The following MALRD1 variants were observed in gnomAD, a reference collection of about 807,000 sequenced individuals.
MALRD1 encodes MAM and LDL-receptor class A domain-containing protein 1.
Under a neutral mutation model 242.1 loss-of-function variants are expected in MALRD1, and 247 were observed. The observed-to-expected ratio is 1.02, with a 90% CI of 0.92 to 1.13. The LOEUF (loss-of-function observed/expected upper bound fraction) is 1.13, where lower values mean the gene tolerates loss of function less well. MALRD1 is among the 50% of genes most tolerant of loss of function. The pLI is 0.00. For synonymous variants in MALRD1, 995 were observed against 866.6 expected (o/e 1.15, Z -2.60); for missense variants, 2,989 against 2,533.1 (o/e 1.18, Z -3.86).
chr10:19,210,213 C>T (rs2245151), intron 18 of MALRD1, among the ~76,000 whole-genome samples: 16 of 152,136 alleles, frequency 1.1e-4, no homozygotes, highest in Non-Finnish European at 1.5e-4. Context: ...CAGTCTTATT[C>T]TAGCAAGCTC....
intron 39 of MALRD1, among the ~76,000 whole-genome samples, chr10:19,733,411 T>C (rs1287027424): frequency 6.6e-6 from 1 of 152,182 alleles, no homozygotes; most frequent in Non-Finnish European, 1.5e-5. Context: ...CTTTTAAAAA[T>C]GTAACTGCAG....
chr10:19,438,218 AT>A (rs1477132318), intron 28 of MALRD1, among the ~76,000 whole-genome samples: 1 of 151,866 alleles, frequency 6.6e-6, no homozygotes, highest in African/African-American at 2.4e-5. Context: ...ATCATGGAGT[AT>A]TTGTCTTTTC....
chr10:19,173,953 A>G (rs1835115872), intron 13 of MALRD1, among the ~76,000 whole-genome samples: 1 of 152,224 alleles, frequency 6.6e-6, no homozygotes, highest in Admixed American at 6.5e-5. Context: ...GCCCTATAAC[A>G]AAAGAGAGGT....
intron 24 of MALRD1, among the ~76,000 whole-genome samples, chr10:19,341,302 T>C (rs1021402204): frequency 6.6e-6 from 1 of 151,706 alleles, no homozygotes; most frequent in African/African-American, 2.4e-5. Context: ...TTATGATATG[T>C]CTGGCATTTT....
intron 18 of MALRD1, among the ~76,000 whole-genome samples, chr10:19,236,950 G>C (rs1183478165): frequency 6.6e-6 from 1 of 151,744 alleles, no homozygotes; most frequent in African/African-American, 2.4e-5. Flanking sequence ...ACTTTGCATT[G>C]GTGGTTGAGA....
At chr10:19,230,161 T>C (rs1837987625) in intron 18 of MALRD1, among the ~76,000 whole-genome samples, 3 of 152,214 alleles carry the variant, frequency 2.0e-5, no homozygotes, top group Admixed American at 2.0e-4. Flanking sequence ...CATGTGGAAC[T>C]GTGAATTCAT....
chr10:19,307,143 G>A (rs1274564493), intron 21 of MALRD1, among the ~76,000 whole-genome samples: 3 of 151,430 alleles, frequency 2.0e-5, no homozygotes, highest in Middle Eastern at 3.2e-3. Context: ...TTCTTTAGTT[G>A]GGATGCATTG....
chr10:19,266,674 G>A (rs1225710491), intron 19 of MALRD1, among the ~76,000 whole-genome samples: 2 of 151,620 alleles, frequency 1.3e-5, no homozygotes, highest in Non-Finnish European at 2.9e-5. Context: ...AATAACTATA[G>A]CATCAGTAAT....
rs532223887 is a variant in MALRD1, at chr10:19,456,632, G to A, written c.5029+6142G>A. ...TTCTGCTCACATTTGAGTGCTCCGA[G>A]TGTTGCATTCAGATCGCTCGCAGTC... On this transcript the variant is annotated intron_variant, in intron 29 of 39. Coordinates refer to ENST00000454679, the MANE Select transcript of MALRD1 (RefSeq NM_001142308.3). Among the ~76,000 whole-genome samples, 12 of 152,254 alleles carry A rather than the reference G, an allele frequency of 7.9e-5. No homozygotes were observed. In the South Asian group the frequency reaches 2.5e-3, roughly 32 times the overall value.
At chr10:19,407,584 T>C (rs73593902) in intron 28 of MALRD1, among the ~76,000 whole-genome samples, 4 of 151,890 alleles carry the variant, frequency 2.6e-5, no homozygotes, top group Admixed American at 1.3e-4. Context: ...TAAGAGGAAA[T>C]AGAAAAGGCA....
chr10:19,552,737 T>G (rs1835541992), intron 32 of MALRD1, among the ~76,000 whole-genome samples: 1 of 152,168 alleles, frequency 6.6e-6, no homozygotes, highest in Admixed American at 6.6e-5. Flanking sequence ...ATTTTGTTTT[T>G]CTTTTTTTCA....
At chr10:19,108,766 G>T (rs1211802102) in intron 5 of MALRD1, among the ~76,000 whole-genome samples, 1 of 152,156 alleles carries the variant, frequency 6.6e-6, no homozygotes, top group African/African-American at 2.4e-5. Context: ...ATCTCATTGA[G>T]TTACCTTAAA....
chr10:19,722,809 C>T (rs528040759), intron 38 of MALRD1, among the ~76,000 whole-genome samples: 15 of 151,824 alleles, frequency 9.9e-5, no homozygotes, highest in Admixed American at 5.3e-4. Context: ...ACTCAACTAT[C>T]GGTGGGCACC....
chr10:19,219,814 C>T (rs1837482854), intron 18 of MALRD1, among the ~76,000 whole-genome samples: 1 of 78,662 alleles, frequency 1.3e-5, no homozygotes. Flanking sequence ...GAGATAGTGC[C>T]TGCAGATCTG....
At chr10:19,250,428 C>T (rs191808861) in intron 18 of MALRD1, among the ~76,000 whole-genome samples, 269 of 151,804 alleles carry the variant, frequency 1.8e-3, no homozygotes, top group African/African-American at 5.8e-3. Context: ...ATATGAGATG[C>T]GAAGTGGGTT....
chr10:19,441,542 T>C (rs1354575785), intron 28 of MALRD1, among the ~76,000 whole-genome samples: 3 of 152,224 alleles, frequency 2.0e-5, no homozygotes, highest in African/African-American at 7.2e-5. Context: ...GGGCTCCACT[T>C]TCAGCTTTCT....
intron 20 of MALRD1, among the ~76,000 whole-genome samples, chr10:19,282,068 A>G (rs1840841277): frequency 6.6e-6 from 1 of 151,938 alleles, no homozygotes; most frequent in Non-Finnish European, 1.5e-5. Flanking sequence ...GTAATATTGT[A>G]CAGCAGATCC....
intron 18 of MALRD1, among the ~76,000 whole-genome samples, chr10:19,220,734 C>A (rs1240277841): frequency 6.6e-6 from 1 of 152,140 alleles, no homozygotes. Context: ...TTTTCTTACA[C>A]CTGTTTTCCT....
chr10:19,588,524 TACAATTTCCTGA>T (rs1837567374), intron 33 of MALRD1, among the ~76,000 whole-genome samples: 2 of 152,230 alleles, frequency 1.3e-5, no homozygotes, highest in Admixed American at 1.3e-4. Flanking sequence ...GTGATGCAAT[TACAATTTCCTGA>T]CAAAGCACAA....
Sources: allele counts gnomAD v4.1 joint callset (sites outside exome capture counted in the v4.1 genomes callset), GRCh38; gene constraint gnomAD v4.1.1; transcripts MANE v1.5; gene names NCBI Gene and HGNC (gene_info 2026-07-23, HGNC 2026-07-21).